ITGB2: variants seen among roughly 807,000 people sequenced by gnomAD.
ITGB2 encodes the protein integrin beta-2.
ITGB2 carries 56 observed loss-of-function variants against 86.8 expected under a neutral mutation model. The ratio of observed to expected loss-of-function variants is 0.65; its 90% CI spans 0.52 to 0.81. The LOEUF (loss-of-function observed/expected upper bound fraction) is 0.81. Ranked by LOEUF, ITGB2 falls within the 30% of genes least tolerant of loss-of-function variation. The probability of loss-of-function intolerance (pLI) is 0.00; values close to 1 mark genes in which losing one functional copy is unlikely to be tolerated. For missense variants in ITGB2, 948 were observed against 1,061.2 expected (o/e 0.89, Z 1.48); for synonymous variants, 457 against 450.4 (o/e 1.01, Z -0.19).
At chr21:44,890,300 C>T (rs2083768712) in intron 11 of ITGB2, 78 bp from the exon 12 acceptor site, 1 of 1,583,252 alleles carries the variant, frequency 6.3e-7, no homozygotes. Context: ...TCCTCCAGGC[C>T]CCTTGCCCTT....
intron 7 of ITGB2, among the ~76,000 whole-genome samples, chr21:44,900,098 G>A (rs925093802): frequency 3.3e-5 from 5 of 152,210 alleles, no homozygotes; most frequent in African/African-American, 2.4e-5. Flanking sequence ...CCACAAGGGC[G>A]AGGCCGGGCC....
In ITGB2 at chr21:44,895,107, C is replaced by T. The variant is rs2838725; in HGVS notation, c.994-47G>A. On this transcript the variant is annotated intron_variant, in intron 8 of 15. Coordinates refer to ENST00000652462, the MANE Select transcript of ITGB2 (RefSeq NM_000211.5). ...CATGGCACGGCTAGGACCTGTGCCA[C>T]GGCATCTCCACGCACTGGGCTCACC... 340,811 of 1,393,180 alleles carry T rather than the reference C, an allele frequency of 0.24. 43,577 individuals are homozygous for T. Among genetic ancestry groups the T allele is most frequent in the Middle Eastern group, 0.4 (2,237 of 5,598 alleles). 86.3% of individuals were successfully genotyped at this position (1,393,180 alleles called of 1,614,324 possible).
chr21:44,907,318 G>T (rs1007101258), intron 3 of ITGB2, among the ~76,000 whole-genome samples: 1 of 152,292 alleles, frequency 6.6e-6, no homozygotes, highest in Non-Finnish European at 1.5e-5. Context: ...GCAGGGTATC[G>T]CCTCCTCCTC....
rs373900883 is a variant in ITGB2, at chr21:44,889,350, G to T, written c.1803C>A (p.Cys601Ter). 1.9e-6 allele frequency: 3 copies of T among 1,612,860 alleles called. No homozygotes were observed. The highest frequency in any genetic ancestry group is 1.7e-5 in the Admixed American group (1 of 60,018). Residue 601 changes from cysteine to a stop codon, truncating the protein, a stop_gained, in exon 13 of 16, where the codon TGC becomes TGA. Transcript: ENST00000652462. LOFTEE classifies it high-confidence loss of function. ...SGRGRCRCNV[C>*]ECHSGYQLPL... ...GCAGCTGGTAGCCTGAATGGCACTC[G>T]CATACGTTGCAGCGGCACCGGCCAC...
chr21:44,920,238 G>A (rs1221640372), intron 1 of ITGB2, among the ~76,000 whole-genome samples: 1 of 151,584 alleles, frequency 6.6e-6, no homozygotes, highest in Non-Finnish European at 1.5e-5. Context: ...CACCATACAT[G>A]CACACACACA....
At chr21:44,890,919 C>A (rs899958817) in intron 11 of ITGB2, among the ~76,000 whole-genome samples, 1 of 151,774 alleles carries the variant, frequency 6.6e-6, no homozygotes, top group African/African-American at 2.4e-5. Context: ...GGACAGTGGG[C>A]GGGGTGGCCA....
chr21:44,896,354 T>C (rs1295816221), intron 8 of ITGB2, among the ~76,000 whole-genome samples: 3 of 152,062 alleles, frequency 2.0e-5, no homozygotes, highest in Non-Finnish European at 4.4e-5. Flanking sequence ...TTTCCATGGG[T>C]GTTAAACAGC....
At chr21:44,906,660 C>T (rs1209540667) in intron 4 of ITGB2, among the ~76,000 whole-genome samples, 6 of 152,146 alleles carry the variant, frequency 3.9e-5, no homozygotes, top group Non-Finnish European at 5.9e-5. Context: ...AGGTGCAGAA[C>T]GTCGGGCTGC....
At position 44,886,291 on chromosome 21, in the gene ITGB2, C is replaced by T; in HGVS notation, c.*77G>A. 3.9e-6 allele frequency: 5 copies of T among 1,266,028 alleles called. No homozygotes were observed. Among genetic ancestry groups the T allele is most frequent in the Non-Finnish European group, 4.6e-6 (4 of 862,806 alleles). The allele number at this position is 1,266,028 out of a possible 1,614,324, so 78.4% of individuals were successfully genotyped here. On this transcript the variant is annotated 3_prime_UTR_variant, in exon 16 of 16. Transcript: ENST00000652462. ...GGTTAATTGGTGACATCCTCAAGAG[C>T]TGTGGCAAGCCATGTCTCGGCCGCG...
chr21:44,918,388 G>A (rs917277540), intron 1 of ITGB2, among the ~76,000 whole-genome samples: 3 of 152,262 alleles, frequency 2.0e-5, no homozygotes, highest in Admixed American at 6.5e-5. Flanking sequence ...GGTACCTGGT[G>A]GGGCCCGGCC....
chr21:44,916,176 C>T (rs925820496), intron 1 of ITGB2, among the ~76,000 whole-genome samples: 9 of 152,156 alleles, frequency 5.9e-5, no homozygotes, highest in African/African-American at 2.2e-4. Context: ...CTGCCTCGGC[C>T]TCCCAAAGTG....
intron 2 of ITGB2, 34 bp downstream of exon 2, chr21:44,910,691 G>T (rs566050279): frequency 1.2e-6 from 2 of 1,607,240 alleles, no homozygotes; most frequent in Admixed American, 1.7e-5. Flanking sequence ...GGAATGTCAC[G>T]CGTGGAGTCC....
At chr21:44,887,474 C>T (rs140231190) in intron 14 of ITGB2, among the ~76,000 whole-genome samples, 48 of 152,230 alleles carry the variant, frequency 3.2e-4, no homozygotes, top group African/African-American at 9.9e-4. Flanking sequence ...CAGACACTAG[C>T]GTTCAGTGCA....
Position 44,885,973 on chromosome 21 carries a change from T to G in ITGB2, c.*395A>C. On this transcript the variant is annotated 3_prime_UTR_variant, in exon 16 of 16. Transcript: ENST00000652462. ...CCCAGTTTCCATGGACAGCCTGTATTGAAGTTTTATTTTTTTTCTATACAC... is the reference window on the plus strand; with the variant it reads ...CCCAGTTTCCATGGACAGCCTGTATGGAAGTTTTATTTTTTTTCTATACAC... 3.3e-6 allele frequency: 1 copy of G among 298,744 alleles called. No individual in the cohort carries two copies. 18.5% of individuals were successfully genotyped at this position (298,744 alleles called of 1,614,324 possible).
intron 1 of ITGB2, among the ~76,000 whole-genome samples, chr21:44,917,976 C>T (rs762426327): frequency 1.3e-4 from 20 of 152,218 alleles, no homozygotes; most frequent in Non-Finnish European, 2.5e-4. Flanking sequence ...CACATGGGCT[C>T]GGAATCGACA....
chr21:44,910,930 G>T, intron 1 of ITGB2, 145 bp from the exon 2 acceptor site: 1 of 743,974 alleles, frequency 1.3e-6, no homozygotes, highest in South Asian at 1.7e-5. Context: ...GGCCAGCACA[G>T]CTGCACTGGG....
Position 44,910,278 on chromosome 21 carries a change from A to C in ITGB2, c.147+6T>G. The C allele has an allele frequency of 1.9e-6, 3 of 1,613,708 alleles. No homozygotes were observed. Among genetic ancestry groups the C allele is most frequent in the Non-Finnish European group, 2.5e-6 (3 of 1,179,894 alleles). On this transcript the variant is annotated splice_donor_region_variant and intron_variant, in intron 3 of 15. Transcript: ENST00000652462. ...GCAGGTGGGGAGGGGTCCAGGAGGCACTTACCAGCTTCTGGCACCAGGTGC... is the reference window on the plus strand; with the variant it reads ...GCAGGTGGGGAGGGGTCCAGGAGGCCCTTACCAGCTTCTGGCACCAGGTGC...
At chr21:44,897,357 G>C (rs1018909417) in intron 8 of ITGB2, among the ~76,000 whole-genome samples, 2 of 152,228 alleles carry the variant, frequency 1.3e-5, no homozygotes, top group Non-Finnish European at 2.9e-5. Flanking sequence ...AGCAGGGCAG[G>C]GGCTGTGAGG....
At chr21:44,915,567 T>G (rs1036546238) in intron 1 of ITGB2, among the ~76,000 whole-genome samples, 2 of 152,292 alleles carry the variant, frequency 1.3e-5, no homozygotes, top group South Asian at 4.1e-4. Flanking sequence ...ACCCCTGCGC[T>G]GGGAACTGAA....
Sources: gnomAD v4.1 joint callset for allele counts (sites outside exome capture counted in the v4.1 genomes callset) on GRCh38, gnomAD v4.1.1 for gene constraint, MANE v1.5 for transcripts, NCBI Gene and HGNC (gene_info 2026-07-23, HGNC 2026-07-21) for gene names.